ZNF490: variants seen among roughly 807,000 people sequenced by gnomAD.
ZNF490 encodes the protein zinc finger protein 490.
Under a neutral mutation model 17.7 loss-of-function variants are expected in ZNF490, and 11 were observed. The observed-to-expected ratio is 0.62, with a 90% CI of 0.39 to 1.03. ZNF490 has a LOEUF of 1.03. Ranked by LOEUF, ZNF490 falls within the 50% of genes least tolerant of loss-of-function variation. The pLI, the probability that ZNF490 is intolerant of heterozygous loss-of-function variation, is 0.00. For missense variants in ZNF490, 542 were observed against 643.4 expected (o/e 0.84, Z 1.71); for synonymous variants, 222 against 216.1 (o/e 1.03, Z -0.24).
chr19:12,582,084 G>A (rs1051830811), intron 4 of ZNF490, among the ~76,000 whole-genome samples: 7 of 151,940 alleles, frequency 4.6e-5, no homozygotes, highest in Non-Finnish European at 1.0e-4. Flanking sequence ...ACCACGCCCC[G>A]CTAATTTTAT....
At chr19:12,597,821 A>T (rs2022953220) in intron 2 of ZNF490, among the ~76,000 whole-genome samples, 1 of 152,206 alleles carries the variant, frequency 6.6e-6, no homozygotes, top group South Asian at 2.1e-4. Flanking sequence ...CGTTGGCTCA[A>T]GCCTGTAATC....
At chr19:12,600,823 G>A (rs1353103835) in intron 2 of ZNF490, among the ~76,000 whole-genome samples, 1 of 152,162 alleles carries the variant, frequency 6.6e-6, no homozygotes, top group African/African-American at 2.4e-5. Context: ...GAGAAAAAAT[G>A]TTCAGGACTC....
rs2022679296 is a variant in ZNF490, at chr19:12,578,838, C to T, written c.*1647G>A. The T allele has an allele frequency of 2.0e-6, 2 of 985,342 alleles. No homozygotes were observed. The highest frequency in any genetic ancestry group is 6.2e-5 in the Admixed American group (1 of 16,256). 61.0% of individuals were successfully genotyped at this position (985,342 alleles called of 1,614,324 possible). A position where few individuals can be genotyped will look rare whatever the true frequency, so the allele number is the denominator to read the frequency against. Reference sequence around the variant, plus strand: ...CCTGCTGGGGCCCAAGTCCTTCTTCCCCATTCCTTTAATTCTTCCTACGAA... The same window carrying T: ...CCTGCTGGGGCCCAAGTCCTTCTTCTCCATTCCTTTAATTCTTCCTACGAA... On this transcript the variant is annotated 3_prime_UTR_variant, in exon 5 of 5. Transcript: ENST00000311437.
At position 12,586,809 on chromosome 19, in the gene ZNF490, G is replaced by A. The variant is rs192609926; in HGVS notation, c.163-3253C>T. Among the ~76,000 whole-genome samples, 18 of 93,694 alleles carry A rather than the reference G, an allele frequency of 1.9e-4. 3 individuals are homozygous for A. The East Asian group carries it at 3.7e-3, about 19-fold the overall frequency. 61.5% of individuals were successfully genotyped at this position (93,694 alleles called of 152,430 possible). On this transcript the variant is annotated intron_variant, in intron 2 of 4. Coordinates refer to ENST00000311437, the MANE Select transcript of ZNF490 (RefSeq NM_020714.3). ...GAACACCTGGCCAGGCGTGGCTCAC[G>A]CCTGTAATCCCAGAACTTTGGGAGG...
At position 12,578,701 on chromosome 19, in the gene ZNF490, T is replaced by G. The variant is rs967821219; in HGVS notation, c.*1784A>C. 1 of 985,322 alleles carries G rather than the reference T, an allele frequency of 1.0e-6. No individual in the cohort carries two copies. The highest frequency in any genetic ancestry group is 1.2e-6 in the Non-Finnish European group (1 of 829,960). The allele number at this position is 985,322 out of a possible 1,614,324, so 61.0% of individuals were successfully genotyped here. On this transcript the variant is annotated 3_prime_UTR_variant, in exon 5 of 5. Transcript: ENST00000311437. ...TGACCCGAGGACACTGATGGAAACT[T>G]AAAAGGCAGATTCTGGGAGTCTTCT...
chr19:12,601,577 G>C (rs921691981), intron 2 of ZNF490, among the ~76,000 whole-genome samples: 2 of 151,960 alleles, frequency 1.3e-5, no homozygotes, highest in African/African-American at 4.8e-5. Context: ...AAGATATGAG[G>C]TTGCACTATA....
At chr19:12,606,035 C>T (rs931487766) in intron 2 of ZNF490, among the ~76,000 whole-genome samples, 2 of 152,032 alleles carry the variant, frequency 1.3e-5, no homozygotes, top group African/African-American at 2.4e-5. Flanking sequence ...CATGTGCCAC[C>T]ACGTCCCGCT....
intron 3 of ZNF490, 123 bp downstream of exon 3, chr19:12,583,307 G>T: frequency 8.5e-7 from 1 of 1,182,634 alleles, no homozygotes. Flanking sequence ...CCAAAGCACT[G>T]GGATTACAGG....
At position 12,580,513 on chromosome 19, in the gene ZNF490, T is replaced by C. The variant is rs374577669; in HGVS notation, c.1562A>G (p.Glu521Gly). 1 of 1,606,882 alleles carries C rather than the reference T, an allele frequency of 6.2e-7. No individual in the cohort carries two copies. The highest frequency in any genetic ancestry group is 8.5e-7 in the Non-Finnish European group (1 of 1,176,416). ...GGGCTTCTGTCTACTATGAGTCCTTTCGTGCACGTGCAAAGACTTTGAGTA... is the reference window on the plus strand; with the variant it reads ...GGGCTTCTGTCTACTATGAGTCCTTCCGTGCACGTGCAAAGACTTTGAGTA... ...FSYSKSLHVH[E>G]RTHSRQKP The change falls in exon 5 of 5, where the codon GAA (glutamate) becomes GGA (glycine). Residue 521 changes from glutamate (E) to glycine (G), a missense_variant. Coordinates refer to ENST00000311437, the MANE Select transcript of ZNF490 (RefSeq NM_020714.3).
chr19:12,592,118 A>G (rs989421108), intron 2 of ZNF490, among the ~76,000 whole-genome samples: 9 of 152,184 alleles, frequency 5.9e-5, no homozygotes, highest in African/African-American at 1.9e-4. Flanking sequence ...AGGGCAGACC[A>G]TGAGGTCAGG....
At position 12,577,504 on chromosome 19, in the gene ZNF490, C is replaced by T. The variant is rs2022659597; in HGVS notation, c.*2981G>A. On this transcript the variant is annotated 3_prime_UTR_variant, in exon 5 of 5. Transcript: ENST00000311437. ...ATAATGTTCCAACCCCTCATACTACCATAAATGTTCCTGGTGAGAGAAGCG... is the reference window on the plus strand; with the variant it reads ...ATAATGTTCCAACCCCTCATACTACTATAAATGTTCCTGGTGAGAGAAGCG... 1 of 984,672 alleles carries T rather than the reference C, an allele frequency of 1.0e-6. No individual in the cohort carries two copies. The highest frequency in any genetic ancestry group is 6.2e-5 in the Admixed American group (1 of 16,176). The allele number at this position is 984,672 out of a possible 1,614,324, so 61.0% of individuals were successfully genotyped here.
chr19:12,610,783 T>G lies in ZNF490; in HGVS notation c.-103A>C, dbSNP rs1225459674. 1 of 1,216,858 alleles carries G rather than the reference T, an allele frequency of 8.2e-7. No homozygotes were observed. The highest frequency in any genetic ancestry group is 1.2e-6 in the Non-Finnish European group (1 of 834,816). 75.4% of individuals were successfully genotyped at this position (1,216,858 alleles called of 1,614,324 possible). ...ACAATTGTCCACGGAGGGCACCAGTTCCGTCCCACCGGCGGAAGCGAGATC... is the reference window on the plus strand; with the variant it reads ...ACAATTGTCCACGGAGGGCACCAGTGCCGTCCCACCGGCGGAAGCGAGATC... On this transcript the variant is annotated 5_prime_UTR_variant, in exon 1 of 5. Transcript: ENST00000311437.
In ZNF490 at chr19:12,577,121, G is replaced by C. The variant is rs865882721; in HGVS notation, c.*3364C>G. On this transcript the variant is annotated 3_prime_UTR_variant, in exon 5 of 5. Transcript: ENST00000311437. ...GTGTCTTCCAGAATGCCAGGATCAA[G>C]GGGACAGAGATATTAGCACAGCTTT... 7.2e-5 allele frequency among the ~76,000 whole-genome samples: 11 copies of C among 152,144 alleles called. No individual in the cohort carries two copies. Among genetic ancestry groups the C allele is most frequent in the Non-Finnish European group, 1.3e-4 (9 of 68,030 alleles).
intron 2 of ZNF490, among the ~76,000 whole-genome samples, chr19:12,591,047 G>A (rs1421483139): frequency 6.6e-6 from 1 of 151,984 alleles, no homozygotes; most frequent in Non-Finnish European, 1.5e-5. Flanking sequence ...TGGGTTTGAT[G>A]ATGAATTATA....
rs1326727812 is a variant in ZNF490, at chr19:12,576,582, G to A, written c.*3903C>T. ...GTAATCCCAGCACTTTGGGGAGACC[G>A]AGGTGGGTGGATCACAAGGTCAGGA... On this transcript the variant is annotated 3_prime_UTR_variant, in exon 5 of 5. Coordinates refer to ENST00000311437, the MANE Select transcript of ZNF490 (RefSeq NM_020714.3). Among the ~76,000 whole-genome samples, 1 of 151,712 alleles carries A rather than the reference G, an allele frequency of 6.6e-6. No homozygotes were observed. The highest frequency in any genetic ancestry group is 2.4e-5 in the African/African-American group (1 of 41,286).
chr19:12,590,224 T>C (rs139593226), intron 2 of ZNF490, among the ~76,000 whole-genome samples: 2,671 of 148,540 alleles, frequency 0.018, 71 homozygotes, highest in African/African-American at 0.063. Flanking sequence ...CTTTTTTTTT[T>C]TTTCTTTGAG....
At chr19:12,583,754 GCGCTCTCTCT>G (rs148531432) in intron 2 of ZNF490, among the ~76,000 whole-genome samples, 198 bp from the exon 3 acceptor site, 4,138 of 66,086 alleles carry the variant, frequency 0.063, 195 homozygotes, top group Non-Finnish European at 0.07. Context: ...AAAAATTATT[GCGCTCTCTCT>G]CTCTCTCTCT....
chr19:12,583,144 C>T (rs913762560), intron 3 of ZNF490, among the ~76,000 whole-genome samples: 4 of 151,818 alleles, frequency 2.6e-5, no homozygotes, highest in African/African-American at 9.7e-5. Flanking sequence ...CGGGTTCAAG[C>T]AATTCTCCTG....
intron 2 of ZNF490, among the ~76,000 whole-genome samples, chr19:12,589,088 G>A (rs2022835956): frequency 6.6e-6 from 1 of 152,160 alleles, no homozygotes; most frequent in Non-Finnish European, 1.5e-5. Flanking sequence ...TTGGGAGGCT[G>A]AGTCAGGCAG....
Sources: gnomAD v4.1 joint callset for allele counts (sites outside exome capture counted in the v4.1 genomes callset) on GRCh38, gnomAD v4.1.1 for gene constraint, MANE v1.5 for transcripts, NCBI Gene and HGNC (gene_info 2026-07-23, HGNC 2026-07-21) for gene names.